NRK: variants seen among roughly 807,000 people sequenced by gnomAD.
NRK encodes nik-related protein kinase.
A neutral mutation model predicts 125.2 loss-of-function variants in NRK; 67 were observed. That is an observed-to-expected ratio of 0.54 (90% CI 0.44 to 0.66). The LOEUF (loss-of-function observed/expected upper bound fraction) is 0.66, where lower values mean the gene tolerates loss of function less well. Among genes scored for constraint, NRK ranks in the 30% least tolerant of loss-of-function variants. The probability of loss-of-function intolerance (pLI) is 0.00; values close to 1 mark genes in which losing one functional copy is unlikely to be tolerated. For synonymous variants in NRK, 458 were observed against 429.0 expected (o/e 1.07, Z -0.84); for missense variants, 1,224 against 1,192.9 (o/e 1.03, Z -0.38).
intron 2 of NRK, among the ~76,000 whole-genome samples, chrX:105,874,015 G>C (rs1025589586): frequency 8.9e-6 from 1 of 111,810 alleles, no homozygotes; most frequent in African/African-American, 3.2e-5. Flanking sequence ...TGATAACTAC[G>C]CTTTAATGCC....
intron 2 of NRK, among the ~76,000 whole-genome samples, chrX:105,853,517 G>A (rs750250500): frequency 1.9e-4 from 21 of 111,677 alleles, no homozygotes; most frequent in African/African-American, 4.6e-4. Flanking sequence ...GTGCACACGC[G>A]CAAGCACACA....
rs1047342079 is a variant in NRK at position 105,958,309 on chromosome X, T to TAC, written c.*2713_*2714dup. ...GCAGAATCACATGTGCACACACACA[T>TAC]ACACATGTAAACATTGGAATGCATA... On this transcript the variant is annotated 3_prime_UTR_variant, in exon 29 of 29. Coordinates refer to ENST00000243300, the MANE Select transcript of NRK (RefSeq NM_198465.4). 5.3e-5 allele frequency: 6 copies of TAC among 112,181 alleles called. No individual in the cohort carries two copies. Among genetic ancestry groups the TAC allele is most frequent in the African/African-American group, 1.9e-4 (6 of 30,870 alleles). 9.2% of individuals were successfully genotyped at this position (112,181 alleles called of 1,213,427 possible).
Position 105,957,390 on chromosome X carries a change from G to A in NRK, c.*1790G>A, listed in dbSNP as rs759174963. On this transcript the variant is annotated 3_prime_UTR_variant, in exon 29 of 29. Coordinates refer to ENST00000243300, the MANE Select transcript of NRK (RefSeq NM_198465.4). The stretch of plus-strand genomic sequence containing the variant: ...GGGAACTTTGTGCAAGTACCTCATC[G>A]CTGAGCAAATGGAGCTTGCTATGTT... 1.8e-5 allele frequency: 2 copies of A among 111,085 alleles called. No individual in the cohort carries two copies. Among genetic ancestry groups the A allele is most frequent in the African/African-American group, 3.3e-5 (1 of 30,475 alleles). 9.2% of individuals were successfully genotyped at this position (111,085 alleles called of 1,213,427 possible). A position where few individuals can be genotyped will look rare whatever the true frequency, so the allele number is the denominator to read the frequency against.
At chrX:105,948,641 T>C in intron 26 of NRK, 1 of 501,779 alleles carries the variant, frequency 2.0e-6, no homozygotes, top group Non-Finnish European at 3.5e-6. Flanking sequence ...CAATTGCTCA[T>C]GCAAGTGCCC....
chrX:105,887,904 T>C (rs2039968013), intron 4 of NRK, among the ~76,000 whole-genome samples: 2 of 112,092 alleles, frequency 1.8e-5, no homozygotes, highest in Non-Finnish European at 3.8e-5. Flanking sequence ...ACTGTATAAA[T>C]ATACTAAAAA....
chrX:105,900,298 G>C (rs994362018), intron 8 of NRK, among the ~76,000 whole-genome samples: 5 of 110,589 alleles, frequency 4.5e-5, no homozygotes, highest in Non-Finnish European at 9.5e-5. Context: ...ACAACTGGTG[G>C]GTCTATGTAA....
chrX:105,888,408 C>T lies in NRK; in HGVS notation c.367C>T (p.His123Tyr), dbSNP rs1373154746. Residue 123 changes from histidine to tyrosine, a missense_variant, in exon 5 of 29, where the codon CAC becomes TAC. Physicochemically the swap from His to Tyr is moderately conservative, Grantham distance 83. Transcript: ENST00000243300. ...FFKLSPPGQR[H>Y]QLWMVMELCA... is the part of the protein sequence containing the mutation. ...CAAGCTGAGTCCCCCTGGTCAGCGGCACCAACTTTGGGTATGTTTTTAATT... is the reference window on the plus strand; with the variant it reads ...CAAGCTGAGTCCCCCTGGTCAGCGGTACCAACTTTGGGTATGTTTTTAATT... 8.4e-7 allele frequency: 1 copy of T among 1,193,313 alleles called. No homozygotes were observed. Among genetic ancestry groups the T allele is most frequent in the Admixed American group, 2.3e-5 (1 of 44,122 alleles).
chrX:105,923,090 G>T, intron 17 of NRK, 28 bp from the exon 18 acceptor site: 1 of 1,154,597 alleles, frequency 8.7e-7, no homozygotes, highest in East Asian at 3.0e-5. Context: ...GCTACTAGAG[G>T]CTACATTAAC....
At chrX:105,887,488 A>C (rs921169169) in intron 4 of NRK, among the ~76,000 whole-genome samples, 1 of 112,099 alleles carries the variant, frequency 8.9e-6, no homozygotes, top group African/African-American at 3.2e-5. Flanking sequence ...TGGTAATGCA[A>C]AATGGTAAAG....
At chrX:105,853,929 C>G (rs2039502744) in intron 2 of NRK, among the ~76,000 whole-genome samples, 1 of 111,964 alleles carries the variant, frequency 8.9e-6, no homozygotes, top group African/African-American at 3.2e-5. Context: ...GAACTGGAAA[C>G]TTAAGCTATT....
chrX:105,877,530 A>G (rs749037505), intron 2 of NRK, among the ~76,000 whole-genome samples: 1 of 111,476 alleles, frequency 9.0e-6, no homozygotes, highest in South Asian at 3.7e-4. Context: ...TATCTTTGAA[A>G]CTGCTCTATA....
chrX:105,892,081 G>C (rs1317597763), intron 5 of NRK, among the ~76,000 whole-genome samples: 2 of 111,454 alleles, frequency 1.8e-5, no homozygotes, highest in Non-Finnish European at 3.8e-5. Context: ...CTATCTATTT[G>C]TCAGGTGTTG....
chrX:105,945,866 T>A lies in NRK; in HGVS notation c.4060-6T>A. On this transcript the variant is annotated splice_region_variant and splice_polypyrimidine_tract_variant and intron_variant, in intron 24 of 28. Coordinates refer to ENST00000243300, the MANE Select transcript of NRK (RefSeq NM_198465.4). ...AACATGTCTGGCCCTTTTCATTCCC[T>A]ACCAAGTATGCATTGATCAATCAGC... 3 of 1,206,152 alleles carry A rather than the reference T, an allele frequency of 2.5e-6. No individual in the cohort carries two copies. Among genetic ancestry groups the A allele is most frequent in the Non-Finnish European group, 3.4e-6 (3 of 891,215 alleles).
At chrX:105,874,996 AGC>A (rs1288600664) in intron 2 of NRK, among the ~76,000 whole-genome samples, 1 of 111,842 alleles carries the variant, frequency 8.9e-6, no homozygotes, top group Non-Finnish European at 1.9e-5. Context: ...TAGTTGTGTC[AGC>A]ATAAATTAAT....
At chrX:105,826,017 C>T (rs1014554889) in intron 1 of NRK, among the ~76,000 whole-genome samples, 1 of 99,635 alleles carries the variant, frequency 1.0e-5, no homozygotes, top group Non-Finnish European at 2.0e-5. Context: ...TAGGGATGTG[C>T]GTGTATGCCT....
chrX:105,936,166 A>G (rs2040662446), intron 21 of NRK, among the ~76,000 whole-genome samples: 1 of 111,646 alleles, frequency 9.0e-6, no homozygotes. Flanking sequence ...CTGTCTTGCA[A>G]TTTCATAGAT....
intron 16 of NRK, among the ~76,000 whole-genome samples, chrX:105,919,449 G>A (rs1247028565): frequency 9.0e-6 from 1 of 111,700 alleles, no homozygotes; most frequent in Non-Finnish European, 1.9e-5. Flanking sequence ...CTAGCCTCAT[G>A]TAGCTATTAA....
At chrX:105,915,500 G>T (rs1269482475) in intron 14 of NRK, among the ~76,000 whole-genome samples, 1 of 111,004 alleles carries the variant, frequency 9.0e-6, no homozygotes, top group Non-Finnish European at 1.9e-5. Flanking sequence ...TTGATTATAT[G>T]AGCTCCAGAA....
At chrX:105,824,387 A>C (rs994806586) in intron 1 of NRK, among the ~76,000 whole-genome samples, 1 of 110,878 alleles carries the variant, frequency 9.0e-6, no homozygotes, top group African/African-American at 3.3e-5. Flanking sequence ...AAAAGTATAA[A>C]ACCAAGGAAT....
Sources: allele counts gnomAD v4.1 joint callset (sites outside exome capture counted in the v4.1 genomes callset), GRCh38; gene constraint gnomAD v4.1.1; transcripts MANE v1.5; gene names NCBI Gene and HGNC (gene_info 2026-07-23, HGNC 2026-07-21).